Variants in CAST observed in about 807,000 individuals in gnomAD.
CAST encodes MIR583 host.
A neutral mutation model predicts 119.6 loss-of-function variants in CAST; 76 were observed. That is an observed-to-expected ratio of 0.64 (90% CI 0.53 to 0.77). The LOEUF (loss-of-function observed/expected upper bound fraction) is 0.77. Ranked by LOEUF, CAST falls within the 30% of genes least tolerant of loss-of-function variation. The probability of loss-of-function intolerance (pLI) is 0.00; values close to 1 mark genes in which losing one functional copy is unlikely to be tolerated. For synonymous variants in CAST, 319 were observed against 331.6 expected, an observed-to-expected ratio of 0.96 and a Z score of 0.41; for missense variants, 953 against 946.5, an observed-to-expected ratio of 1.01 and a Z score of -0.09.
At chr5:96,521,442 C>T (rs1204643467), upstream of CAST, among the ~76,000 whole-genome samples, 2 of 152,174 alleles carry the variant, frequency 1.3e-5, no homozygotes, top group African/African-American at 4.8e-5. Flanking sequence ...TCCATAGTTT[C>T]TCGAGGCCTA....
the CAST span, among the ~76,000 whole-genome samples, chr5:96,212,139 G>T: frequency 2.0e-5 from 3 of 151,920 alleles, no homozygotes; most frequent in African/African-American, 7.2e-5. Context: ...TGTGATTAAT[G>T]ATTTCTGAAT....
the CAST span, among the ~76,000 whole-genome samples, chr5:96,457,104 A>T: frequency 6.6e-6 from 1 of 152,124 alleles, no homozygotes; most frequent in African/African-American, 2.4e-5. Context: ...GGTAGACAGC[A>T]GTTATATTGC....
the CAST span, among the ~76,000 whole-genome samples, chr5:96,060,285 T>C: frequency 6.6e-6 from 1 of 152,152 alleles, no homozygotes; most frequent in African/African-American, 2.4e-5. Flanking sequence ...GTCATCTTTG[T>C]CCTCTATATT....
intron 19 of CAST, 80 bp from the exon 20 acceptor site, chr5:96,750,505 AGT>A: frequency 1.3e-6 from 1 of 791,076 alleles, no homozygotes; most frequent in East Asian, 2.5e-5. Flanking sequence ...AATGTAGCGG[AGT>A]GTCTTGTTGG....
At chr5:96,432,227 G>C in the CAST span, 4 of 1,011,362 alleles carry the variant, frequency 4.0e-6, no homozygotes, top group East Asian at 7.8e-5. Context: ...AGAGAGTCGC[G>C]GGGATAGATG....
At chr5:96,709,013 C>T (rs1755574009) in intron 3 of CAST, among the ~76,000 whole-genome samples, 1 of 152,154 alleles carries the variant, frequency 6.6e-6, no homozygotes, top group Non-Finnish European at 1.5e-5. Context: ...TCTGCCTCTA[C>T]CAAGTGGTTT....
the CAST span, among the ~76,000 whole-genome samples, chr5:96,511,819 ATC>A: frequency 6.6e-6 from 1 of 152,248 alleles, no homozygotes; most frequent in Non-Finnish European, 1.5e-5. Flanking sequence ...CCCTAGATTT[ATC>A]TGAGTGCTTC....
chr5:96,079,157 G>GAGGA, the CAST span: 1 of 475,464 alleles, frequency 2.1e-6, no homozygotes, highest in African/African-American at 2.0e-5. Context: ...ATTAACCAAA[G>GAGGA]AGGAAGGTCC....
At chr5:96,619,476 G>T (rs1364116290) in intron 1 of CAST, among the ~76,000 whole-genome samples, 1 of 152,212 alleles carries the variant, frequency 6.6e-6, no homozygotes, top group East Asian at 1.9e-4. Context: ...CCAGATAAGG[G>T]AATAAAAGCA....
intron 2 of CAST, among the ~76,000 whole-genome samples, chr5:96,687,848 T>C (rs1462326367): frequency 6.6e-6 from 1 of 152,208 alleles, no homozygotes. Context: ...CTTTTTTTCC[T>C]GTGTACTTTC....
intron 1 of CAST, among the ~76,000 whole-genome samples, chr5:96,595,554 C>G (rs1747038192): frequency 6.6e-6 from 1 of 152,080 alleles, no homozygotes; most frequent in Admixed American, 6.5e-5. Flanking sequence ...AGAGCAGAAG[C>G]CTGACTCATA....
chr5:96,014,055 A>G, the CAST span, among the ~76,000 whole-genome samples: 1 of 151,920 alleles, frequency 6.6e-6, no homozygotes, highest in African/African-American at 2.4e-5. Flanking sequence ...TTGACTTTTT[A>G]ATAATACTTA....
At chr5:96,676,797 G>A (rs192049962) in intron 2 of CAST, among the ~76,000 whole-genome samples, 201 of 151,896 alleles carry the variant, frequency 1.3e-3, no homozygotes, top group African/African-American at 4.1e-3. Flanking sequence ...GCTCATGCCT[G>A]TAATCCCAGC....
chr5:96,094,204 A>G, the CAST span, among the ~76,000 whole-genome samples: 1 of 152,216 alleles, frequency 6.6e-6, no homozygotes, highest in Non-Finnish European at 1.5e-5. Flanking sequence ...AAACCAAATT[A>G]CTTACCTAGA....
At chr5:96,349,576 T>G in the CAST span, among the ~76,000 whole-genome samples, 1 of 152,184 alleles carries the variant, frequency 6.6e-6, no homozygotes, top group South Asian at 2.1e-4. Context: ...GAAGAATAGA[T>G]AAATTTGTAT....
intron 1 of CAST, among the ~76,000 whole-genome samples, chr5:96,617,043 G>T (rs757278494): frequency 6.6e-6 from 1 of 152,110 alleles, no homozygotes; most frequent in African/African-American, 2.4e-5. Context: ...CAAGGCCATT[G>T]CTTGAATCAT....
At chr5:96,616,729 G>A (rs201145758) in intron 1 of CAST, among the ~76,000 whole-genome samples, 1 of 138,406 alleles carries the variant, frequency 7.2e-6, no homozygotes, top group African/African-American at 2.7e-5. Flanking sequence ...GCGCTCGCTC[G>A]CTCTCTCTCT....
the CAST span, among the ~76,000 whole-genome samples, chr5:96,015,989 C>G: frequency 2.1e-4 from 32 of 152,040 alleles, no homozygotes; most frequent in Non-Finnish European, 4.1e-4. Context: ...TGATTCATGT[C>G]CATAGTTAGT....
At chr5:96,696,215 T>C (rs1211269168) in intron 3 of CAST, 1 of 171,724 alleles carries the variant, frequency 5.8e-6, no homozygotes, top group Non-Finnish European at 1.2e-5. Context: ...AAAAACGTAG[T>C]GCTCCCACTT....
Sources: gnomAD v4.1 joint callset for allele counts (sites outside exome capture counted in the v4.1 genomes callset) on GRCh38, gnomAD v4.1.1 for gene constraint, MANE v1.5 for transcripts, NCBI Gene and HGNC (gene_info 2026-07-23, HGNC 2026-07-21) for gene names.